The following BBX variants were observed in gnomAD, a reference collection of about 807,000 sequenced individuals.
BBX encodes HMG box transcription factor BBX.
Under a neutral mutation model 100.2 loss-of-function variants are expected in BBX, and 30 were observed. The ratio of observed to expected loss-of-function variants is 0.30; its 90% CI spans 0.22 to 0.41. BBX has a LOEUF of 0.41. Ranked by LOEUF, BBX falls within the 10% of genes least tolerant of loss-of-function variation. The probability of loss-of-function intolerance (pLI) is 1.00; values close to 1 mark genes in which losing one functional copy is unlikely to be tolerated. For synonymous variants in BBX, 376 were observed against 388.1 expected (o/e 0.97, Z 0.37); for missense variants, 1,023 against 1,129.8 (o/e 0.91, Z 1.35).
intron 7 of BBX, among the ~76,000 whole-genome samples, chr3:107,734,276 G>T (rs1313527114): frequency 6.6e-6 from 1 of 152,112 alleles, no homozygotes; most frequent in East Asian, 1.9e-4. Flanking sequence ...TTTTGATTCT[G>T]TTCACTTCAT....
chr3:107,780,966 A>G (rs1272447050), intron 13 of BBX, among the ~76,000 whole-genome samples: 7 of 151,980 alleles, frequency 4.6e-5, no homozygotes, highest in African/African-American at 1.7e-4. Flanking sequence ...TTTTCCTCTG[A>G]TAATTTGCCA....
At chr3:107,725,274 G>A (rs924678551) in intron 5 of BBX, among the ~76,000 whole-genome samples, 2 of 152,136 alleles carry the variant, frequency 1.3e-5, no homozygotes, top group Non-Finnish European at 1.5e-5. Flanking sequence ...CTGAGACTTT[G>A]CTGAAGTTGC....
chr3:107,584,206 TTA>T (rs1278281844), intron 2 of BBX, among the ~76,000 whole-genome samples: 7 of 71,406 alleles, frequency 9.8e-5, no homozygotes, highest in Admixed American at 9.4e-4. Context: ...ATATATATTA[TTA>T]TATATATTAT....
At chr3:107,540,437 C>T (rs1372047263) in intron 2 of BBX, among the ~76,000 whole-genome samples, 2 of 152,090 alleles carry the variant, frequency 1.3e-5, no homozygotes, top group Non-Finnish European at 2.9e-5. Context: ...CGAATTACTC[C>T]GTTTTATATT....
At chr3:107,694,100 A>G (rs1319453972) in intron 3 of BBX, among the ~76,000 whole-genome samples, 28 of 129,844 alleles carry the variant, frequency 2.2e-4, no homozygotes, top group African/African-American at 8.4e-4. Flanking sequence ...TTGGGCTGAG[A>G]CAATGGGGTT....
At chr3:107,737,884 G>GTTTTTTTTGTTTTT (rs2063745026) in intron 7 of BBX, among the ~76,000 whole-genome samples, 1 of 48,886 alleles carries the variant, frequency 2.0e-5, no homozygotes, top group Non-Finnish European at 3.4e-5. Context: ...CAGAGTTCCA[G>GTTTTTTTTGTTTTT]TTTTTTTTTT....
At position 107,801,050 on chromosome 3, in the gene BBX, G is replaced by A. The variant is rs772417467; in HGVS notation, c.2552-45G>A. The A allele has an allele frequency of 3.2e-6, 5 of 1,578,322 alleles. No homozygotes were observed. In the Admixed American group the frequency reaches 8.6e-5, roughly 27 times the overall value. ...GCGTTTTCTATGTCTCTTCTCTGGAGAGAACAGAGTGATCCTCTCATGATG... is the reference window on the plus strand; with the variant it reads ...GCGTTTTCTATGTCTCTTCTCTGGAAAGAACAGAGTGATCCTCTCATGATG... On this transcript the variant is annotated intron_variant, in intron 16 of 17. Transcript: ENST00000325805.
chr3:107,587,064 CTT>C (rs901634537), intron 2 of BBX, among the ~76,000 whole-genome samples: 4 of 152,076 alleles, frequency 2.6e-5, no homozygotes, highest in Admixed American at 6.5e-5. Context: ...CGATTCCACA[CTT>C]TTGAGAGTTT....
chr3:107,737,037 A>G (rs2063683258), intron 7 of BBX, among the ~76,000 whole-genome samples: 1 of 152,098 alleles, frequency 6.6e-6, no homozygotes, highest in African/African-American at 2.4e-5. Flanking sequence ...ACAGTAAAGT[A>G]TTGATCAAGC....
intron 2 of BBX, among the ~76,000 whole-genome samples, chr3:107,591,021 A>T (rs974280220): frequency 2.0e-5 from 3 of 152,238 alleles, no homozygotes; most frequent in African/African-American, 7.2e-5. Context: ...CACAACTTGA[A>T]ATACCTCCAG....
intron 3 of BBX, among the ~76,000 whole-genome samples, chr3:107,666,177 G>A (rs1010455934): frequency 2.6e-5 from 4 of 152,196 alleles, no homozygotes; most frequent in Admixed American, 2.6e-4. Context: ...ACAATGGGAA[G>A]GGGAACCAAC....
intron 3 of BBX, among the ~76,000 whole-genome samples, chr3:107,696,930 T>C (rs1334803335): frequency 2.6e-5 from 4 of 151,882 alleles, no homozygotes; most frequent in African/African-American, 9.7e-5. Context: ...CTTCCCTTCT[T>C]GCTTCATTTC....
chr3:107,743,770 G>GT (rs896929296), intron 7 of BBX, among the ~76,000 whole-genome samples: 4 of 151,778 alleles, frequency 2.6e-5, no homozygotes, highest in African/African-American at 9.7e-5. Context: ...TAATATTAAA[G>GT]TTTTTTTAAA....
At chr3:107,790,831 C>T (rs1009730642) in intron 14 of BBX, among the ~76,000 whole-genome samples, 10 of 152,164 alleles carry the variant, frequency 6.6e-5, no homozygotes, top group African/African-American at 2.2e-4. Context: ...TAACCTTTTA[C>T]TTACTTTGGG....
In BBX at chr3:107,773,190, T is replaced by C. The variant is rs371412869; in HGVS notation, c.1469T>C (p.Ile490Thr). 1 of 1,613,988 alleles carries C rather than the reference T, an allele frequency of 6.2e-7. No individual in the cohort carries two copies. Among genetic ancestry groups the C allele is most frequent in the African/African-American group, 1.3e-5 (1 of 74,916 alleles). The change falls in exon 11 of 18, where the codon ATT (isoleucine) becomes ACT (threonine). Residue 490 changes from isoleucine to threonine, a missense_variant. Transcript: ENST00000325805. This position sits in a 1 kb window ranked among gnomAD's most constrained non-coding sequence, Gnocchi z 4.1. ...ESDIESVIYT[I>T]EAVAKGDWGI... Reference sequence around the variant, plus strand: ...GACATTGAGAGCGTCATATATACCATTGAAGCCGTCGCAAAAGGAGACTGG... The same window carrying C: ...GACATTGAGAGCGTCATATATACCACTGAAGCCGTCGCAAAAGGAGACTGG...
chr3:107,747,617 C>T (rs910964731), intron 8 of BBX, among the ~76,000 whole-genome samples: 1 of 151,694 alleles, frequency 6.6e-6, no homozygotes, highest in Non-Finnish European at 1.5e-5. Context: ...AGTGGCTTCA[C>T]TTGCAACCTC....
chr3:107,738,651 C>T (rs1156354090), intron 7 of BBX, among the ~76,000 whole-genome samples: 2 of 152,156 alleles, frequency 1.3e-5, no homozygotes, highest in Non-Finnish European at 1.5e-5. Context: ...TCTTGCAGCA[C>T]GCAGGGGCCT....
intron 2 of BBX, among the ~76,000 whole-genome samples, chr3:107,591,688 T>A (rs1166837201): frequency 6.6e-6 from 1 of 152,132 alleles, no homozygotes; most frequent in East Asian, 1.9e-4. Flanking sequence ...AAGTCTTGCT[T>A]TGTTGCCTAG....
intron 3 of BBX, among the ~76,000 whole-genome samples, chr3:107,653,093 A>G (rs763251700): frequency 1.3e-5 from 2 of 152,206 alleles, no homozygotes; most frequent in Non-Finnish European, 2.9e-5. Flanking sequence ...CCTGGTCTAC[A>G]TGGAAATTTT....
Sources: gnomAD v4.1 joint callset for allele counts (sites outside exome capture counted in the v4.1 genomes callset) on GRCh38, gnomAD v4.1.1 for gene constraint, Gnocchi (gnomAD v3.1) non-coding constraint, MANE v1.5 for transcripts, NCBI Gene and HGNC (gene_info 2026-07-23, HGNC 2026-07-21) for gene names.